The following DIP2A variants were observed in gnomAD, a reference collection of about 807,000 sequenced individuals.
DIP2A encodes disco-interacting protein 2 homolog A.
A neutral mutation model predicts 177.4 loss-of-function variants in DIP2A; 85 were observed. That is an observed-to-expected ratio of 0.48 (90% CI 0.40 to 0.57). The LOEUF is 0.57. Ranked by LOEUF, DIP2A falls within the 20% of genes least tolerant of loss-of-function variation. DIP2A has a pLI of 0.00. For missense variants in DIP2A, 1,791 were observed against 2,100.2 expected, an observed-to-expected ratio of 0.85 and a Z score of 2.88; for synonymous variants, 886 against 881.8, an observed-to-expected ratio of 1.00 and a Z score of -0.08.
chr21:46,543,455 G>A (rs190415449), intron 18 of DIP2A, among the ~76,000 whole-genome samples: 4 of 151,772 alleles, frequency 2.6e-5, no homozygotes, highest in Non-Finnish European at 4.4e-5. Flanking sequence ...TGCACACAGC[G>A]CTCCACCAGA....
chr21:46,547,018 C>T lies in DIP2A; in HGVS notation c.2498C>T (p.Pro833Leu). Reference protein sequence around the residue: ...DVVATALAVEPMKFVYRGRIA... With the variant: ...DVVATALAVELMKFVYRGRIA... ...GTGGCCACCGCACTGGCCGTGGAGC[C>T]CATGAAGTTTGTCTACAGAGGCAGG... is the stretch of plus-strand genomic sequence containing the variant. The change falls in exon 21 of 38, where the codon CCC (proline) becomes CTC (leucine). Residue 833 changes from proline (P) to leucine (L), a missense_variant. Physicochemically the swap from Pro to Leu is moderately conservative, Grantham distance 98 (BLOSUM62 -3). Transcript: ENST00000417564. The T allele has an allele frequency of 6.2e-7, 1 of 1,613,950 alleles. No individual in the cohort carries two copies. Among genetic ancestry groups the T allele is most frequent in the Non-Finnish European group, 8.5e-7 (1 of 1,179,868 alleles).
At chr21:46,523,008 C>T (rs1434545338) in intron 8 of DIP2A, among the ~76,000 whole-genome samples, 1 of 152,010 alleles carries the variant, frequency 6.6e-6, no homozygotes, top group Non-Finnish European at 1.5e-5. Flanking sequence ...TCACCGCAAC[C>T]TCTGTCTCCC....
At chr21:46,549,059 T>C (rs1288371435) in intron 21 of DIP2A, among the ~76,000 whole-genome samples, 1 of 152,180 alleles carries the variant, frequency 6.6e-6, no homozygotes, top group African/African-American at 2.4e-5. Flanking sequence ...AGAAATAAAT[T>C]CAAGATGTGC....
intron 17 of DIP2A, 147 bp from the exon 18 acceptor site, chr21:46,541,609 G>A (rs1331533403): frequency 3.4e-6 from 3 of 889,802 alleles, no homozygotes; most frequent in Non-Finnish European, 5.2e-6. Flanking sequence ...TGGAGACATT[G>A]CAGCATCTTT....
chr21:46,497,044 C>A lies in DIP2A; in HGVS notation c.340C>A (p.Pro114Thr). 3.7e-6 allele frequency: 6 copies of A among 1,613,872 alleles called. No individual in the cohort carries two copies. The highest frequency in any genetic ancestry group is 5.1e-6 in the Non-Finnish European group (6 of 1,179,824). Reference protein sequence around the residue: ...ALAKYKERKMPMPSKRRSVLV... With the variant: ...ALAKYKERKMTMPSKRRSVLV... ...GGCCAAATACAAAGAGAGGAAGATG[C>A]CTATGCCTTCGAAGAGACGTTCTGT... Residue 114 changes from proline (P) to threonine (T), a missense_variant, in exon 4 of 38, where the codon CCT becomes ACT. By Grantham distance (38) the Pro-to-Thr change is conservative. Transcript: ENST00000417564.
Position 46,557,176 on chromosome 21 carries a change from A to G in DIP2A, c.3629+107A>G. ...TCTGGGTGCTCAGGAAGCCGATGAG[A>G]TGTGTGTGAGTGGGTTTGTTTGGGG... is the stretch of plus-strand genomic sequence containing the variant. On this transcript the variant is annotated intron_variant, in intron 30 of 37. Coordinates refer to ENST00000417564, the MANE Select transcript of DIP2A (RefSeq NM_015151.4). The surrounding 1 kb of genome is among the most constrained non-coding windows in gnomAD (Gnocchi z 6.0). 3 of 1,326,952 alleles carry G rather than the reference A, an allele frequency of 2.3e-6. No homozygotes were observed. Among genetic ancestry groups the G allele is most frequent in the Non-Finnish European group, 2.0e-6 (2 of 988,814 alleles). 82.2% of individuals were successfully genotyped at this position (1,326,952 alleles called of 1,614,324 possible). A position where few individuals can be genotyped will look rare whatever the true frequency, so the allele number is the denominator to read the frequency against.
intron 33 of DIP2A, 198 bp from the exon 34 acceptor site, chr21:46,561,550 T>C: frequency 4.3e-6 from 3 of 702,046 alleles, no homozygotes; most frequent in East Asian, 2.8e-5. Flanking sequence ...GGCGAGTGCA[T>C]GCGGGTGGCG....
chr21:46,541,114 T>C (rs2059799340), intron 17 of DIP2A, among the ~76,000 whole-genome samples: 1 of 152,186 alleles, frequency 6.6e-6, no homozygotes, highest in Admixed American at 6.5e-5. Flanking sequence ...ATTCTTTTGT[T>C]CTATGGTGAT....
At chr21:46,515,522 T>C (rs906074726) in intron 8 of DIP2A, among the ~76,000 whole-genome samples, 1 of 152,120 alleles carries the variant, frequency 6.6e-6, no homozygotes, top group African/African-American at 2.4e-5. Context: ...GTGTAAGATA[T>C]TACTACCATT....
At position 46,505,909 on chromosome 21, in the gene DIP2A, T is replaced by C. The variant is rs181765932; in HGVS notation, c.784+1420T>C. ...ATGTTCTGTATCAATAGTTTACTCC[T>C]TCTCATTGAGTAATATTTCATTAAA... On this transcript the variant is annotated intron_variant, in intron 6 of 37. Coordinates refer to ENST00000417564, the MANE Select transcript of DIP2A (RefSeq NM_015151.4). Among the ~76,000 whole-genome samples, 20 of 152,360 alleles carry C rather than the reference T, an allele frequency of 1.3e-4. No homozygotes were observed. The East Asian group carries it at 3.9e-3, about 29-fold the overall frequency.
In DIP2A at chr21:46,550,668, G is replaced by T. The variant is rs2255397; in HGVS notation, c.2763G>T (p.Thr921=). ...SETKQRFLEG[T]LHPCNVLMCP... ...CCAAACAGCGCTTTCTGGAAGGGAC[G>T]CTGCACCCGTGTAATGTGCTGATGT... is the stretch of plus-strand genomic sequence containing the variant. The change falls in exon 23 of 38, where the codon ACG becomes ACT. Residue 921 remains threonine, a synonymous_variant. Coordinates refer to ENST00000417564, the MANE Select transcript of DIP2A (RefSeq NM_015151.4). 1.2e-6 allele frequency: 2 copies of T among 1,613,698 alleles called. No individual in the cohort carries two copies.
At chr21:46,550,151 A>G in intron 22 of DIP2A, 2 of 891,678 alleles carry the variant, frequency 2.2e-6, no homozygotes, top group Non-Finnish European at 3.2e-6. Flanking sequence ...AACATTTGAA[A>G]TGCACTCTCA....
chr21:46,510,784 C>T (rs563244042), intron 7 of DIP2A, among the ~76,000 whole-genome samples: 2 of 151,992 alleles, frequency 1.3e-5, no homozygotes, highest in South Asian at 4.2e-4. Context: ...GCGTCCACCA[C>T]CACACCTGGC....
intron 1 of DIP2A, among the ~76,000 whole-genome samples, chr21:46,468,371 G>A (rs1256231661): frequency 6.7e-6 from 1 of 150,344 alleles, no homozygotes; most frequent in African/African-American, 2.5e-5. Flanking sequence ...GGAGGCTGCA[G>A]TGACCTGAAA....
At chr21:46,460,850 C>T (rs761450766) in intron 1 of DIP2A, among the ~76,000 whole-genome samples, 17 of 152,064 alleles carry the variant, frequency 1.1e-4, no homozygotes, top group Admixed American at 5.2e-4. Flanking sequence ...CTTGCCACCA[C>T]GCCCAGCTAA....
chr21:46,460,373 C>T (rs1438818213), intron 1 of DIP2A, among the ~76,000 whole-genome samples: 1 of 152,184 alleles, frequency 6.6e-6, no homozygotes, highest in Non-Finnish European at 1.5e-5. Flanking sequence ...TCAGAAAGGA[C>T]TTGCAGTCCT....
intron 8 of DIP2A, among the ~76,000 whole-genome samples, chr21:46,526,426 G>A (rs2059096510): frequency 1.4e-5 from 2 of 145,586 alleles, no homozygotes; most frequent in Non-Finnish European, 1.5e-5. Flanking sequence ...ACAGAGTTTC[G>A]CTTTGTTGTC....
At position 46,552,752 on chromosome 21, in the gene DIP2A, C is replaced by T. The variant is rs570273102; in HGVS notation, c.3030+848C>T. Among the ~76,000 whole-genome samples, 141 of 152,300 alleles carry T rather than the reference C, an allele frequency of 9.3e-4. 2 individuals carry two copies. Among genetic ancestry groups the T allele is most frequent in the African/African-American group, 3.0e-3 (125 of 41,564 alleles). On this transcript the variant is annotated intron_variant, in intron 25 of 37. Transcript: ENST00000417564. ...GTCTTTCCTGCTAGAAAACAAGTTC[C>T]GTAGGAGAGAGACTTTGTTTTTCTG...
intron 37 of DIP2A, 35 bp from the exon 38 acceptor site, chr21:46,567,335 G>T: frequency 6.3e-7 from 1 of 1,593,566 alleles, no homozygotes. Flanking sequence ...ACCTGTGCCT[G>T]TATCCATGTG....
Sources: allele counts gnomAD v4.1 joint callset (sites outside exome capture counted in the v4.1 genomes callset), GRCh38; gene constraint gnomAD v4.1.1; non-coding constraint Gnocchi (gnomAD v3.1); transcripts MANE v1.5; gene names NCBI Gene and HGNC (gene_info 2026-07-23, HGNC 2026-07-21).